SEMA6D: variants seen among roughly 807,000 people sequenced by gnomAD.
The protein encoded by SEMA6D is semaphorin 6D, also known as semaphorin-6D.
In SEMA6D, 35 loss-of-function variants were observed where a neutral mutation model predicts 106.6. That is an observed-to-expected ratio of 0.33 (90% confidence interval 0.25 to 0.44). The LOEUF (loss-of-function observed/expected upper bound fraction) is 0.44, where lower values mean the gene tolerates loss of function less well. Ranked by LOEUF, SEMA6D falls within the 20% of genes least tolerant of loss-of-function variation. SEMA6D has a pLI of 1.00. For synonymous variants in SEMA6D, 499 were observed against 487.7 expected, an observed-to-expected ratio of 1.02 and a Z score of -0.31; for missense variants, 1,185 against 1,345.9, an observed-to-expected ratio of 0.88 and a Z score of 1.87.
At chr15:47,388,807 G>GA (rs5812386) in intron 1 of SEMA6D, among the ~76,000 whole-genome samples, 76,300 of 151,984 alleles carry the variant, frequency 0.5, 22,702 homozygotes, top group African/African-American at 0.84. Context: ...AGATAAACAT[G>GA]ATGGCATAAA....
intron 1 of SEMA6D, among the ~76,000 whole-genome samples, chr15:47,340,335 C>G (rs1452397350): frequency 6.6e-6 from 1 of 151,252 alleles, no homozygotes; most frequent in Non-Finnish European, 1.5e-5. Flanking sequence ...ATAATTTACT[C>G]AAGTGCTAAC....
intron 1 of SEMA6D, among the ~76,000 whole-genome samples, chr15:47,392,332 A>G (rs2040063583): frequency 6.6e-6 from 1 of 152,188 alleles, no homozygotes. Context: ...TGTATATGGC[A>G]GAAGGGACTT....
Position 47,317,043 on chromosome 15 carries a change from G to A in SEMA6D, c.-238-95350G>A, listed in dbSNP as rs532569555. On this transcript the variant is annotated intron_variant, in intron 1 of 19. Coordinates refer to the SEMA6D transcript ENST00000558014. ...TTCACTAGTGAATCTGTCTGGGCTG[G>A]GTGCTTTCTGTTTTGCAAGGTTATT... is the stretch of plus-strand genomic sequence containing the variant. Among the ~76,000 whole-genome samples, 16 of 152,056 alleles carry A rather than the reference G, an allele frequency of 1.1e-4. No homozygotes were observed. The South Asian group carries it at 2.7e-3, about 26-fold the overall frequency.
At chr15:47,595,913 C>G (rs1317007176) in intron 3 of SEMA6D, among the ~76,000 whole-genome samples, 1 of 151,952 alleles carries the variant, frequency 6.6e-6, no homozygotes, top group Non-Finnish European at 1.5e-5. Flanking sequence ...CACTTCTATT[C>G]AATGTAATAT....
chr15:47,588,450 C>T (rs1245140441), intron 3 of SEMA6D, among the ~76,000 whole-genome samples: 5 of 152,106 alleles, frequency 3.3e-5, no homozygotes, highest in Non-Finnish European at 4.4e-5. Flanking sequence ...AGGAGCTGCC[C>T]GCTCCTGCCT....
intron 1 of SEMA6D, among the ~76,000 whole-genome samples, chr15:47,223,477 G>A (rs372558670): frequency 4.6e-5 from 7 of 151,662 alleles, no homozygotes; most frequent in South Asian, 2.1e-4. Context: ...ATTTTTTGTC[G>A]CCTGTGGCAG....
intron 1 of SEMA6D, among the ~76,000 whole-genome samples, chr15:47,242,838 A>G (rs1315169071): frequency 6.6e-6 from 1 of 152,162 alleles, no homozygotes; most frequent in East Asian, 1.9e-4. Context: ...ATTTTAGTAC[A>G]TAACTAGGTG....
intron 3 of SEMA6D, among the ~76,000 whole-genome samples, chr15:47,483,553 G>A (rs2043213321): frequency 6.6e-6 from 1 of 152,060 alleles, no homozygotes. Flanking sequence ...TAATAGTCAG[G>A]TTTATAGTCC....
intron 2 of SEMA6D, among the ~76,000 whole-genome samples, chr15:47,427,709 A>G (rs1220955987): frequency 6.6e-6 from 1 of 152,146 alleles, no homozygotes; most frequent in Non-Finnish European, 1.5e-5. Context: ...ATTGAATCCA[A>G]AGTCTAAAAG....
chr15:47,722,138 C>T (rs1388684331), intron 1 of SEMA6D, among the ~76,000 whole-genome samples: 1 of 152,120 alleles, frequency 6.6e-6, no homozygotes, highest in Non-Finnish European at 1.5e-5. Context: ...TGGTGTGTTC[C>T]ATTTAAAAGG....
At chr15:47,711,818 A>C (rs1180504234) in intron 4 of SEMA6D, among the ~76,000 whole-genome samples, 1 of 152,242 alleles carries the variant, frequency 6.6e-6, no homozygotes, top group African/African-American at 2.4e-5. Context: ...GGAAAGATGG[A>C]AATTACCCAG....
At chr15:47,595,000 A>G (rs772445631) in intron 3 of SEMA6D, among the ~76,000 whole-genome samples, 9 of 152,116 alleles carry the variant, frequency 5.9e-5, no homozygotes, top group Non-Finnish European at 7.3e-5. Context: ...AACAGTGTTC[A>G]CTTTTGCTGG....
chr15:47,690,536 A>T (rs2078563755), intron 4 of SEMA6D, among the ~76,000 whole-genome samples: 1 of 152,120 alleles, frequency 6.6e-6, no homozygotes, highest in Admixed American at 6.5e-5. Context: ...AGATGTTCTC[A>T]TTTGAAAAAT....
intron 2 of SEMA6D, among the ~76,000 whole-genome samples, chr15:47,439,469 A>G (rs1262595417): frequency 6.6e-6 from 1 of 152,118 alleles, no homozygotes; most frequent in East Asian, 1.9e-4. Context: ...CAACACTATA[A>G]TTTTGAATGT....
intron 4 of SEMA6D, among the ~76,000 whole-genome samples, chr15:47,657,954 A>G (rs1471151797): frequency 6.6e-6 from 1 of 151,362 alleles, no homozygotes; most frequent in African/African-American, 2.4e-5. Flanking sequence ...GTTAGCCAGG[A>G]TGGTCTCGAT....
At chr15:47,465,346 C>T (rs1567098535) in intron 2 of SEMA6D, among the ~76,000 whole-genome samples, 1 of 152,126 alleles carries the variant, frequency 6.6e-6, no homozygotes, top group East Asian at 1.9e-4. Flanking sequence ...GATGTTTGTA[C>T]AAGAAGAAGT....
At chr15:47,622,035 G>A (rs1321262958) in intron 4 of SEMA6D, among the ~76,000 whole-genome samples, 1 of 152,056 alleles carries the variant, frequency 6.6e-6, no homozygotes, top group Non-Finnish European at 1.5e-5. Flanking sequence ...AGTCCCTGGT[G>A]GCACTACTGA....
chr15:47,527,159 T>C (rs187039546), intron 3 of SEMA6D, among the ~76,000 whole-genome samples: 1 of 152,320 alleles, frequency 6.6e-6, no homozygotes, highest in African/African-American at 2.4e-5. Context: ...GTGGGTTAAC[T>C]GCACTTTTCT....
At chr15:47,335,267 T>C (rs2037506211) in intron 1 of SEMA6D, among the ~76,000 whole-genome samples, 1 of 152,144 alleles carries the variant, frequency 6.6e-6, no homozygotes, top group Non-Finnish European at 1.5e-5. Flanking sequence ...GCAATGTCTT[T>C]GGTTTTAAAT....
Sources: allele counts gnomAD v4.1 joint callset (sites outside exome capture counted in the v4.1 genomes callset), GRCh38; gene constraint gnomAD v4.1.1; transcripts MANE v1.5; gene names NCBI Gene and HGNC (gene_info 2026-07-23, HGNC 2026-07-21).